Variants in ELP4 observed in about 807,000 individuals in gnomAD.
The protein encoded by ELP4 is elongator complex protein 4.
A neutral mutation model predicts 48.9 loss-of-function variants in ELP4; 51 were observed. The observed-to-expected ratio is 1.04, with a 90% confidence interval of 0.83 to 1.32. The LOEUF (loss-of-function observed/expected upper bound fraction) is 1.32, where lower values mean the gene tolerates loss of function less well. Among genes scored for constraint, ELP4 ranks in the 40% most tolerant of loss-of-function variants. The probability of loss-of-function intolerance (pLI) is 0.00; values close to 1 mark genes in which losing one functional copy is unlikely to be tolerated. For missense variants in ELP4, 519 were observed against 514.6 expected (o/e 1.01, Z -0.08); for synonymous variants, 210 against 189.2 (o/e 1.11, Z -0.90).
intron 9 of ELP4, among the ~76,000 whole-genome samples, chr11:31,700,943 G>A (rs1946509448): frequency 2.6e-5 from 4 of 152,026 alleles, no homozygotes; most frequent in Admixed American, 1.3e-4. Context: ...CCTCTCCTCC[G>A]TGGTTTTCAT....
intron 2 of ELP4, among the ~76,000 whole-genome samples, chr11:31,538,655 C>T (rs1056218022): frequency 2.0e-5 from 3 of 151,260 alleles, no homozygotes; most frequent in Non-Finnish European, 2.9e-5. Context: ...TTTGGTTTTA[C>T]AGTATTTAAA....
intron 3 of ELP4, among the ~76,000 whole-genome samples, chr11:31,545,242 T>A (rs927508013): frequency 2.0e-5 from 3 of 151,810 alleles, no homozygotes; most frequent in African/African-American, 7.3e-5. Flanking sequence ...TTGAAAAAAA[T>A]TGAGACGAAT....
chr11:31,744,036 G>A (rs544567949), intron 9 of ELP4, among the ~76,000 whole-genome samples: 61 of 151,954 alleles, frequency 4.0e-4, no homozygotes, highest in Admixed American at 9.2e-4. Flanking sequence ...TCAAATAGAC[G>A]CAATAAAAAA....
At chr11:31,626,292 G>T (rs1220971952) in intron 5 of ELP4, among the ~76,000 whole-genome samples, 2 of 151,658 alleles carry the variant, frequency 1.3e-5, no homozygotes, top group Non-Finnish European at 2.9e-5. Flanking sequence ...TAATTTTAAG[G>T]TCACCCACAG....
At chr11:31,552,222 A>G (rs1056708904) in intron 3 of ELP4, among the ~76,000 whole-genome samples, 11 of 151,964 alleles carry the variant, frequency 7.2e-5, no homozygotes, top group African/African-American at 2.7e-4. Flanking sequence ...TATTTACTCA[A>G]ACTTTTAATA....
At chr11:31,683,165 A>G (rs1042347658) in intron 9 of ELP4, among the ~76,000 whole-genome samples, 3 of 152,016 alleles carry the variant, frequency 2.0e-5, no homozygotes, top group African/African-American at 7.2e-5. Flanking sequence ...CCTGTAATGT[A>G]TTTTTAGAAC....
intron 9 of ELP4, among the ~76,000 whole-genome samples, chr11:31,710,059 C>T (rs1489776439): frequency 6.6e-6 from 1 of 152,010 alleles, no homozygotes; most frequent in Non-Finnish European, 1.5e-5. Flanking sequence ...TATTATAAGC[C>T]CTTTTTATAG....
At chr11:31,735,288 A>T (rs1234365425) in intron 9 of ELP4, among the ~76,000 whole-genome samples, 2 of 152,150 alleles carry the variant, frequency 1.3e-5, no homozygotes, top group Admixed American at 6.5e-5. Flanking sequence ...CCTAGAAGAA[A>T]ATATAAGAGA....
chr11:31,694,169 A>T (rs1402995650), intron 9 of ELP4, among the ~76,000 whole-genome samples: 2 of 152,154 alleles, frequency 1.3e-5, no homozygotes, highest in African/African-American at 4.8e-5. Flanking sequence ...TAGTTTAATT[A>T]GATCCCATTT....
chr11:31,539,944 A>C (rs1956566494), intron 3 of ELP4, among the ~76,000 whole-genome samples, 161 bp downstream of exon 3: 1 of 152,218 alleles, frequency 6.6e-6, no homozygotes, highest in Non-Finnish European at 1.5e-5. Flanking sequence ...TATCAAATTT[A>C]TTTGAACATA....
intron 9 of ELP4, among the ~76,000 whole-genome samples, chr11:31,708,425 T>C (rs1270894741): frequency 1.3e-5 from 2 of 152,216 alleles, no homozygotes; most frequent in Non-Finnish European, 2.9e-5. Context: ...AAGTGTATTA[T>C]ACACATTTAA....
chr11:31,713,197 T>C (rs1946778055), intron 9 of ELP4, among the ~76,000 whole-genome samples: 1 of 152,162 alleles, frequency 6.6e-6, no homozygotes, highest in African/African-American at 2.4e-5. Flanking sequence ...CAATTTTCCG[T>C]AAAATGATGG....
At chr11:31,577,986 A>G (rs1231891580) in intron 3 of ELP4, among the ~76,000 whole-genome samples, 1 of 151,806 alleles carries the variant, frequency 6.6e-6, no homozygotes, top group African/African-American at 2.4e-5. Flanking sequence ...GTTTAATTAG[A>G]AAAAGAGGAA....
chr11:31,662,530 T>C (rs1243935569), intron 9 of ELP4: 3 of 397,592 alleles, frequency 7.5e-6, no homozygotes, highest in African/African-American at 4.1e-5. Context: ...TCACAGTGCA[T>C]CACTAAGTTG....
At chr11:31,773,841 C>T (rs1461452158) in intron 9 of ELP4, among the ~76,000 whole-genome samples, 1 of 152,190 alleles carries the variant, frequency 6.6e-6, no homozygotes, top group Admixed American at 6.5e-5. Flanking sequence ...CTGATGGATG[C>T]TGAGCACCCA....
At chr11:31,662,580 C>G in intron 9 of ELP4, 1 of 397,814 alleles carries the variant, frequency 2.5e-6, no homozygotes, top group Non-Finnish European at 4.4e-6. Flanking sequence ...TTTTCTGTCT[C>G]GTCATTTACA....
chr11:31,695,168 T>C (rs1261818767), intron 9 of ELP4, among the ~76,000 whole-genome samples: 5 of 152,020 alleles, frequency 3.3e-5, no homozygotes, highest in Admixed American at 3.3e-4. Context: ...TGCCTGATTG[T>C]CATGGCCAGA....
rs1949095890 is a variant in ELP4 at position 31,789,582 on chromosome 11, A to C, written c.*6058A>C. ...GTTGATCATGGTTTTCTTTTTAAAAAAAAAAAAAACAACTTCATGACCAAC... is the reference window on the plus strand; with the variant it reads ...GTTGATCATGGTTTTCTTTTTAAAACAAAAAAAAACAACTTCATGACCAAC... On this transcript the variant is annotated 3_prime_UTR_variant, in exon 10 of 10. Transcript: ENST00000640961. The C allele has an allele frequency of 1.6e-6, 1 of 606,464 alleles. No homozygotes were observed. Among genetic ancestry groups the C allele is most frequent in the Non-Finnish European group, 2.9e-6 (1 of 344,684 alleles). 37.6% of individuals were successfully genotyped at this position (606,464 alleles called of 1,614,324 possible). A position where few individuals can be genotyped will look rare whatever the true frequency, so the allele number is the denominator to read the frequency against.
intron 7 of ELP4, among the ~76,000 whole-genome samples, chr11:31,637,157 G>A (rs946072591): frequency 1.3e-5 from 2 of 151,606 alleles, no homozygotes; most frequent in Non-Finnish European, 2.9e-5. Context: ...TGTTCCACTC[G>A]CCAAGAAGCC....
Sources: gnomAD v4.1 joint callset for allele counts (sites outside exome capture counted in the v4.1 genomes callset) on GRCh38, gnomAD v4.1.1 for gene constraint, MANE v1.5 for transcripts, NCBI Gene and HGNC (gene_info 2026-07-23, HGNC 2026-07-21) for gene names.